Variants in GRAMD1B observed in about 807,000 individuals in gnomAD.
The protein encoded by GRAMD1B is protein Aster-B.
GRAMD1B carries 37 observed loss-of-function variants against 99.7 expected under a neutral mutation model. That is an observed-to-expected ratio of 0.37 (90% confidence interval 0.29 to 0.49). GRAMD1B has a LOEUF of 0.49. GRAMD1B is among the 20% of genes least tolerant of loss of function. GRAMD1B has a pLI of 0.98. For synonymous variants in GRAMD1B, 427 were observed against 387.6 expected, an observed-to-expected ratio of 1.10 and a Z score of -1.19; for missense variants, 888 against 1,009.2, an observed-to-expected ratio of 0.88 and a Z score of 1.63.
At chr11:123,443,013 T>A (rs2134282440) in intron 1 of GRAMD1B, among the ~76,000 whole-genome samples, 1 of 152,296 alleles carries the variant, frequency 6.6e-6, no homozygotes, top group Non-Finnish European at 1.5e-5. Context: ...CCGGCTTTTT[T>A]ACTGCAGTCT....
At chr11:123,434,072 A>T (rs1200727452) in intron 1 of GRAMD1B, among the ~76,000 whole-genome samples, 1 of 151,986 alleles carries the variant, frequency 6.6e-6, no homozygotes, top group Non-Finnish European at 1.5e-5. Context: ...TCTACTAAAA[A>T]TACAAAAATT....
chr11:123,558,418 T>G (rs1946379240), intron 2 of GRAMD1B, among the ~76,000 whole-genome samples: 1 of 152,168 alleles, frequency 6.6e-6, no homozygotes, highest in Non-Finnish European at 1.5e-5. Flanking sequence ...AAGTTCTAAA[T>G]GTATACTGTA....
At chr11:123,366,804 A>G (rs933267247) in intron 1 of GRAMD1B, among the ~76,000 whole-genome samples, 6 of 152,216 alleles carry the variant, frequency 3.9e-5, no homozygotes, top group African/African-American at 1.4e-4. Flanking sequence ...TACCAATTGT[A>G]GACAGGGTGT....
chr11:123,546,479 G>A (rs1210387267), intron 2 of GRAMD1B, among the ~76,000 whole-genome samples: 1 of 152,046 alleles, frequency 6.6e-6, no homozygotes, highest in East Asian at 1.9e-4. Context: ...CACTACTTAG[G>A]AGACTTATTT....
intron 1 of GRAMD1B, among the ~76,000 whole-genome samples, chr11:123,413,768 C>G (rs552925890): frequency 6.6e-6 from 1 of 152,014 alleles, no homozygotes; most frequent in Non-Finnish European, 1.5e-5. Context: ...AGCAAGCTCC[C>G]GATGGGAGGC....
rs1950608162 is a variant in GRAMD1B, at chr11:123,591,191, C to T, written c.685-2891C>T. The T allele has an allele frequency of 2.6e-6, 1 of 380,012 alleles. No homozygotes were observed. The highest frequency in any genetic ancestry group is 4.5e-5 in the Admixed American group (1 of 22,078). The allele number at this position is 380,012 out of a possible 1,614,324, so 23.5% of individuals were successfully genotyped here. A position where few individuals can be genotyped will look rare whatever the true frequency, so the allele number is the denominator to read the frequency against. On this transcript the variant is annotated intron_variant, in intron 4 of 19. Coordinates refer to ENST00000635736, the MANE Select transcript of GRAMD1B (RefSeq NM_001387025.1). The surrounding 1 kb of genome is among the most constrained non-coding windows in gnomAD (Gnocchi z 4.7). ...GAGAACCACGCTGACCACCTCGGCT[C>T]ACTTGTGAAGCTTCATGCTGGGCAT... is the stretch of plus-strand genomic sequence containing the variant.
At chr11:123,509,604 C>T (rs1458769566) in intron 2 of GRAMD1B, among the ~76,000 whole-genome samples, 2 of 152,262 alleles carry the variant, frequency 1.3e-5, no homozygotes, top group African/African-American at 4.8e-5. Flanking sequence ...CAAACACACA[C>T]AGTGAATATA....
chr11:123,424,901 G>A (rs546863569), intron 1 of GRAMD1B, among the ~76,000 whole-genome samples: 43 of 152,270 alleles, frequency 2.8e-4, no homozygotes, highest in Non-Finnish European at 3.8e-4. Flanking sequence ...GTGTTCTAGC[G>A]TAACAACTAC....
At chr11:123,393,781 G>A (rs191565138) in intron 1 of GRAMD1B, among the ~76,000 whole-genome samples, 2 of 152,320 alleles carry the variant, frequency 1.3e-5, no homozygotes, top group Admixed American at 1.3e-4. Context: ...CAATGTGGAA[G>A]GGGACTGACT....
intron 1 of GRAMD1B, among the ~76,000 whole-genome samples, chr11:123,401,814 T>C (rs1396858214): frequency 6.6e-6 from 1 of 151,762 alleles, no homozygotes; most frequent in Non-Finnish European, 1.5e-5. Flanking sequence ...AAAGCTGAGG[T>C]GAAAGGATAG....
chr11:123,403,456 T>TAAC (rs1008215756), intron 1 of GRAMD1B, among the ~76,000 whole-genome samples: 1 of 126,578 alleles, frequency 7.9e-6, no homozygotes, highest in Non-Finnish European at 1.6e-5. Context: ...ATGATAATAA[T>TAAC]AATAATAATA....
chr11:123,539,600 T>TCAAACAAA (rs565393606), intron 2 of GRAMD1B, among the ~76,000 whole-genome samples: 4 of 152,002 alleles, frequency 2.6e-5, no homozygotes, highest in African/African-American at 9.7e-5. Context: ...AGACCCTGTC[T>TCAAACAAA]CAAACAAACA....
chr11:123,440,730 A>G (rs1949366982), intron 1 of GRAMD1B, among the ~76,000 whole-genome samples: 2 of 152,328 alleles, frequency 1.3e-5, no homozygotes, highest in Middle Eastern at 3.4e-3. Context: ...CATAAGAAGC[A>G]TGGTGCCAGT....
chr11:123,430,228 C>T (rs1948804181), upstream of GRAMD1B: 1 of 151,462 alleles, frequency 6.6e-6, no homozygotes, highest in East Asian at 2.0e-4. Flanking sequence ...GCTCCTCCTC[C>T]TCCTTTTTTG....
chr11:123,436,395 A>G (rs1311764667), intron 1 of GRAMD1B, among the ~76,000 whole-genome samples: 2 of 152,214 alleles, frequency 1.3e-5, no homozygotes, highest in Non-Finnish European at 2.9e-5. Flanking sequence ...ATAGAGATGG[A>G]TGACCAAATG....
chr11:123,475,073 C>A (rs1455294086), intron 1 of GRAMD1B, among the ~76,000 whole-genome samples: 1 of 152,190 alleles, frequency 6.6e-6, no homozygotes, highest in Non-Finnish European at 1.5e-5. Context: ...CATATTCCGT[C>A]TTTCTAGCAG....
At chr11:123,501,931 A>G (rs1177305566) in intron 2 of GRAMD1B, among the ~76,000 whole-genome samples, 1 of 152,250 alleles carries the variant, frequency 6.6e-6, no homozygotes, top group Non-Finnish European at 1.5e-5. Flanking sequence ...ATGCCCAAGC[A>G]GTGAAACAGA....
intron 2 of GRAMD1B, among the ~76,000 whole-genome samples, chr11:123,536,597 C>T (rs1159125056): frequency 1.3e-5 from 2 of 152,054 alleles, no homozygotes; most frequent in Non-Finnish European, 2.9e-5. Flanking sequence ...TTATATTTAG[C>T]ACTATATACA....
intron 1 of GRAMD1B, among the ~76,000 whole-genome samples, chr11:123,414,874 G>A (rs1487282647): frequency 6.6e-6 from 1 of 152,134 alleles, no homozygotes; most frequent in African/African-American, 2.4e-5. Context: ...GGATGGAGAT[G>A]AGTCTCGCTC....
Sources: allele counts gnomAD v4.1 joint callset (sites outside exome capture counted in the v4.1 genomes callset), GRCh38; gene constraint gnomAD v4.1.1; non-coding constraint Gnocchi (gnomAD v3.1); transcripts MANE v1.5; gene names NCBI Gene and HGNC (gene_info 2026-07-23, HGNC 2026-07-21).